The following PRR5L variants were observed in gnomAD, a reference collection of about 807,000 sequenced individuals.
The protein encoded by PRR5L is proline rich 5 like.
A neutral mutation model predicts 36.4 loss-of-function variants in PRR5L; 21 were observed. The observed-to-expected ratio is 0.58, with a 90% CI of 0.41 to 0.83. The LOEUF (loss-of-function observed/expected upper bound fraction) is 0.83, where lower values mean the gene tolerates loss of function less well. Among genes scored for constraint, PRR5L ranks in the 40% least tolerant of loss-of-function variants. The probability of loss-of-function intolerance (pLI) is 0.00; values close to 1 mark genes in which losing one functional copy is unlikely to be tolerated. For synonymous variants in PRR5L, 188 were observed against 197.0 expected, an observed-to-expected ratio of 0.95 and a Z score of 0.38; for missense variants, 381 against 473.3, an observed-to-expected ratio of 0.80 and a Z score of 1.81.
intron 1 of PRR5L, among the ~76,000 whole-genome samples, chr11:36,303,419 C>T (rs1856397768): frequency 6.6e-6 from 1 of 152,188 alleles, no homozygotes; most frequent in African/African-American, 2.4e-5. Context: ...ATCGAGAAGA[C>T]ATTATCAGAA....
chr11:36,411,551 T>A (rs1858027751), intron 3 of PRR5L, among the ~76,000 whole-genome samples: 1 of 152,162 alleles, frequency 6.6e-6, no homozygotes, highest in Non-Finnish European at 1.5e-5. Flanking sequence ...AGTGTCCCCT[T>A]CACATTACCC....
intron 1 of PRR5L, among the ~76,000 whole-genome samples, chr11:36,306,279 G>A (rs1250865758): frequency 6.6e-6 from 1 of 152,016 alleles, no homozygotes; most frequent in Non-Finnish European, 1.5e-5. Context: ...CCTGCCCTGT[G>A]TCCAAGTGAT....
At chr11:36,403,463 G>GTTTC (rs112761249) in intron 3 of PRR5L, 85 bp downstream of exon 3, 1 of 583,204 alleles carries the variant, frequency 1.7e-6, no homozygotes, top group African/African-American at 2.4e-5. Context: ...AGCCTTAAGG[G>GTTTC]TTTTTTTTTT....
chr11:36,462,260 C>CT, intron 8 of PRR5L, 82 bp from the exon 9 acceptor site: 1 of 1,384,804 alleles, frequency 7.2e-7, no homozygotes, highest in Non-Finnish European at 9.6e-7. Context: ...GCACCTTGTT[C>CT]TTTTCCCCCA....
intron 3 of PRR5L, among the ~76,000 whole-genome samples, chr11:36,412,784 A>G (rs1858053205): frequency 6.6e-6 from 1 of 152,174 alleles, no homozygotes; most frequent in Non-Finnish European, 1.5e-5. Flanking sequence ...GTGCCCTATA[A>G]GAGAGTGGCC....
At chr11:36,454,860 C>T (rs1167444977) in intron 8 of PRR5L, 1 of 152,234 alleles carries the variant, frequency 6.6e-6, no homozygotes, top group African/African-American at 2.4e-5. Context: ...TGAGAGAGAA[C>T]GTGCCGCTCT....
intron 4 of PRR5L, among the ~76,000 whole-genome samples, chr11:36,427,288 G>T (rs1858402033): frequency 6.6e-6 from 1 of 152,136 alleles, no homozygotes; most frequent in Non-Finnish European, 1.5e-5. Context: ...TTTATGGGGT[G>T]GGGAGAGGAT....
At chr11:36,351,342 A>AT (rs1321163181) in intron 1 of PRR5L, among the ~76,000 whole-genome samples, 3 of 42,704 alleles carry the variant, frequency 7.0e-5, no homozygotes, top group East Asian at 3.0e-3. Context: ...ATATATTTAT[A>AT]ATATATAATA....
chr11:36,379,285 G>T (rs1019207138), intron 1 of PRR5L: 1 of 152,206 alleles, frequency 6.6e-6, no homozygotes, highest in Admixed American at 6.5e-5. Flanking sequence ...AGGTATGCAT[G>T]TGTCTGTTTT....
At position 36,381,559 on chromosome 11, in the gene PRR5L, A is replaced by G. The variant is rs376770500; in HGVS notation, c.-125-19438A>G. 37 of 142,090 alleles carry G rather than the reference A, an allele frequency of 2.6e-4. No homozygotes were observed. In the South Asian group the frequency reaches 3.0e-3, roughly 11 times the overall value. 8.8% of individuals were successfully genotyped at this position (142,090 alleles called of 1,614,324 possible). A position where few individuals can be genotyped will look rare whatever the true frequency, so the allele number is the denominator to read the frequency against. On this transcript the variant is annotated intron_variant, in intron 1 of 8. Transcript: ENST00000530639. Reference sequence around the variant, plus strand: ...ACAACCTGCTTGTGACCTCAGCCACATAAATCCTTGGTGTAAACCCTTTTA... The same window carrying G: ...ACAACCTGCTTGTGACCTCAGCCACGTAAATCCTTGGTGTAAACCCTTTTA...
chr11:36,315,589 T>C (rs1275348602), intron 1 of PRR5L, among the ~76,000 whole-genome samples: 2 of 152,238 alleles, frequency 1.3e-5, no homozygotes, highest in Non-Finnish European at 2.9e-5. Flanking sequence ...CTTTCATCAG[T>C]GACACATTAG....
chr11:36,343,948 G>A (rs1856841198), intron 1 of PRR5L, among the ~76,000 whole-genome samples: 3 of 151,546 alleles, frequency 2.0e-5, no homozygotes, highest in Non-Finnish European at 4.4e-5. Context: ...GGGGTGCGGT[G>A]GCTCACGCCT....
At chr11:36,297,397 A>T (rs759264063) in intron 1 of PRR5L, 1 of 152,232 alleles carries the variant, frequency 6.6e-6, no homozygotes, top group Non-Finnish European at 1.5e-5. Context: ...AGAAGATGGA[A>T]TTGCTCAATG....
intron 1 of PRR5L, among the ~76,000 whole-genome samples, chr11:36,313,124 CA>C (rs1321028623): frequency 6.6e-6 from 1 of 152,254 alleles, no homozygotes; most frequent in East Asian, 1.9e-4. Context: ...ATTGTAAAAA[CA>C]ACTCTAAAAG....
chr11:36,355,636 G>C (rs1857018677), intron 1 of PRR5L, among the ~76,000 whole-genome samples: 1 of 147,916 alleles, frequency 6.8e-6, no homozygotes, highest in African/African-American at 2.5e-5. Context: ...TGCAACCTCT[G>C]CCTCCTGGGT....
chr11:36,423,322 A>G (rs931231456), intron 4 of PRR5L, among the ~76,000 whole-genome samples: 1 of 152,210 alleles, frequency 6.6e-6, no homozygotes, highest in Non-Finnish European at 1.5e-5. Flanking sequence ...GAGTCCCAGG[A>G]GGCCAGTTTC....
rs1268328345 is a variant in PRR5L at position 36,337,888 on chromosome 11, C to T, written c.-126+41450C>T. On this transcript the variant is annotated intron_variant, in intron 1 of 8. Transcript: ENST00000530639. ...GAAGTTTCTTTAATGTGAAACAGTT[C>T]AGAGGTCAGATGTCCCAGGCTGATA... Among the ~76,000 whole-genome samples the T allele has an allele frequency of 3.3e-5, 5 of 152,336 alleles. No homozygotes were observed. The South Asian group carries it at 6.2e-4, about 19-fold the overall frequency.
intron 1 of PRR5L, among the ~76,000 whole-genome samples, chr11:36,310,042 G>A (rs1474012706): frequency 2.8e-4 from 1 of 3,582 alleles, no homozygotes; most frequent in South Asian, 0.022. Flanking sequence ...TGACCTGGAA[G>A]CCTGTTGTGT....
Position 36,351,263 on chromosome 11 carries a change from T to TA in PRR5L, c.-125-49734_-125-49733insA, listed in dbSNP as rs1565407125. On this transcript the variant is annotated intron_variant, in intron 1 of 8. Transcript: ENST00000530639. Reference sequence around the variant, plus strand: ...TTATATATATTTTTATATATGTATATTTATATATTTATATATATGTATATT... The same window carrying TA: ...TTATATATATTTTTATATATGTATATATTATATATTTATATATATGTATATT... Among the ~76,000 whole-genome samples the TA allele has an allele frequency of 1.0e-3, 19 of 18,792 alleles. 1 individual carries two copies. The East Asian group carries it at 0.051, about 50-fold the overall frequency. 12.3% of individuals were successfully genotyped at this position (18,792 alleles called of 152,430 possible).
Sources: gnomAD v4.1 joint callset for allele counts (sites outside exome capture counted in the v4.1 genomes callset) on GRCh38, gnomAD v4.1.1 for gene constraint, MANE v1.5 for transcripts, NCBI Gene and HGNC (gene_info 2026-07-23, HGNC 2026-07-21) for gene names.